TGS1: variants seen among roughly 807,000 people sequenced by gnomAD.
TGS1 encodes trimethylguanosine synthase 1.
TGS1 carries 69 observed loss-of-function variants against 92.2 expected under a neutral mutation model. That is an observed-to-expected ratio of 0.75 (90% confidence interval 0.62 to 0.91). The LOEUF (loss-of-function observed/expected upper bound fraction) is 0.91, where lower values mean the gene tolerates loss of function less well. Among genes scored for constraint, TGS1 ranks in the 40% least tolerant of loss-of-function variants. TGS1 has a pLI of 0.00. For missense variants in TGS1, 1,062 were observed against 1,001.2 expected (o/e 1.06, Z -0.82); for synonymous variants, 345 against 338.1 (o/e 1.02, Z -0.22).
At chr8:55,788,408 A>G (rs1251924148) in intron 4 of TGS1, among the ~76,000 whole-genome samples, 2 of 151,232 alleles carry the variant, frequency 1.3e-5, no homozygotes, top group African/African-American at 2.4e-5. Context: ...AGCCTACCTC[A>G]GTATAATATT....
intron 5 of TGS1, among the ~76,000 whole-genome samples, chr8:55,790,713 C>T (rs1203993928): frequency 6.6e-6 from 1 of 152,086 alleles, no homozygotes; most frequent in Non-Finnish European, 1.5e-5. Flanking sequence ...GAGACAGGGT[C>T]TCGCTATGTT....
chr8:55,777,835 A>T (rs1436616941), intron 1 of TGS1, among the ~76,000 whole-genome samples: 1 of 152,106 alleles, frequency 6.6e-6, no homozygotes, highest in African/African-American at 2.4e-5. Flanking sequence ...CATTATGTTG[A>T]TTACTATCGC....
intron 12 of TGS1, among the ~76,000 whole-genome samples, chr8:55,823,558 AAAG>A (rs1329397167): frequency 2.0e-5 from 3 of 152,324 alleles, no homozygotes; most frequent in African/African-American, 7.2e-5. Flanking sequence ...AGGTGGGAGA[AAAG>A]AAAGGAGACC....
chr8:55,806,623 A>G (rs1812380814), intron 10 of TGS1, among the ~76,000 whole-genome samples: 1 of 152,152 alleles, frequency 6.6e-6, no homozygotes, highest in Non-Finnish European at 1.5e-5. Context: ...TTGACTTCAC[A>G]AGAGATCAGG....
At chr8:55,777,902 ATTTTTT>A (rs56285134) in intron 1 of TGS1, among the ~76,000 whole-genome samples, 2 of 150,466 alleles carry the variant, frequency 1.3e-5, no homozygotes, top group Non-Finnish European at 3.0e-5. Context: ...AATAATTTAA[ATTTTTT>A]TTTTTTTTAA....
At chr8:55,799,999 C>T (rs1486449939) in intron 8 of TGS1, among the ~76,000 whole-genome samples, 2 of 152,132 alleles carry the variant, frequency 1.3e-5, no homozygotes, top group Non-Finnish European at 2.9e-5. Flanking sequence ...AACTGAGTAA[C>T]ATTTTCAATT....
Position 55,825,047 on chromosome 8 carries a change from C to T in TGS1, c.*344C>T, listed in dbSNP as rs1803753658. ...AGCAATCCTTCTGTCTCAGTCTCCT[C>T]AGTAGCTGGGGCTTTAGGTGGGCAC... is the stretch of plus-strand genomic sequence containing the variant. On this transcript the variant is annotated 3_prime_UTR_variant, in exon 13 of 13. Transcript: ENST00000260129. 5.5e-6 allele frequency: 1 copy of T among 183,050 alleles called. No individual in the cohort carries two copies. The highest frequency in any genetic ancestry group is 5.9e-5 in the Admixed American group (1 of 16,960). The allele number at this position is 183,050 out of a possible 1,614,324, so 11.3% of individuals were successfully genotyped here. A position where few individuals can be genotyped will look rare whatever the true frequency, so the allele number is the denominator to read the frequency against.
rs1362847623 is a variant in TGS1 at position 55,824,937 on chromosome 8, T to C, written c.*234T>C. 4.9e-6 allele frequency: 2 copies of C among 406,768 alleles called. No individual in the cohort carries two copies. Among genetic ancestry groups the C allele is most frequent in the Non-Finnish European group, 8.6e-6 (2 of 232,592 alleles). The allele number at this position is 406,768 out of a possible 1,614,324, so 25.2% of individuals were successfully genotyped here. On this transcript the variant is annotated 3_prime_UTR_variant, in exon 13 of 13. Coordinates refer to ENST00000260129, the MANE Select transcript of TGS1 (RefSeq NM_024831.8). ...TGAGTCCTTTGTAATTTATTTTTTT[T>C]TGAGACAGGATCTCACTTTTACCGC...
At chr8:55,821,376 T>C (rs1803629053) in intron 12 of TGS1, among the ~76,000 whole-genome samples, 1 of 152,192 alleles carries the variant, frequency 6.6e-6, no homozygotes, top group African/African-American at 2.4e-5. Context: ...ATAATAGTTA[T>C]TGAGTAAAGT....
chr8:55,773,501 TC>T lies in TGS1; in HGVS notation c.-117del, dbSNP rs1195985269. 1.4e-6 allele frequency: 1 copy of T among 706,300 alleles called. No individual in the cohort carries two copies. Among genetic ancestry groups the T allele is most frequent in the African/African-American group, 1.8e-5 (1 of 54,158 alleles). The allele number at this position is 706,300 out of a possible 1,614,324, so 43.8% of individuals were successfully genotyped here. On this transcript the variant is annotated 5_prime_UTR_variant, in exon 1 of 13. Transcript: ENST00000260129. ...CGGCGCGAGCGGCCGCGGGCCAGTT[TC>T]TATCTCCTCATCCAGGGCTTGCGGG...
intron 7 of TGS1, among the ~76,000 whole-genome samples, chr8:55,798,464 G>T (rs1048907482): frequency 1.3e-5 from 2 of 152,138 alleles, no homozygotes; most frequent in Non-Finnish European, 2.9e-5. Flanking sequence ...TCTTTTTAGG[G>T]TTCGTCTTTG....
rs774055338 is a variant in TGS1, at chr8:55,813,130, C to T, written c.2439+12C>T. The T allele has an allele frequency of 1.9e-6, 3 of 1,581,176 alleles. No individual in the cohort carries two copies. Among genetic ancestry groups the T allele is most frequent in the Non-Finnish European group, 1.7e-6 (2 of 1,151,976 alleles). On this transcript the variant is annotated intron_variant, in intron 12 of 12. Transcript: ENST00000260129. ...CTGATATTGACCAGGTAAGCCATTACTGAAAAACTTCCATGAGTGTCTGTC... is the reference window on the plus strand; with the variant it reads ...CTGATATTGACCAGGTAAGCCATTATTGAAAAACTTCCATGAGTGTCTGTC...
At chr8:55,792,323 CTTGT>C (rs775645923) in intron 5 of TGS1, among the ~76,000 whole-genome samples, 8 of 151,480 alleles carry the variant, frequency 5.3e-5, no homozygotes, top group Non-Finnish European at 1.0e-4. Flanking sequence ...CAAACGTTTC[CTTGT>C]TTGTTTTTAA....
At chr8:55,793,840 A>C (rs1811962822) in intron 6 of TGS1, among the ~76,000 whole-genome samples, 1 of 151,386 alleles carries the variant, frequency 6.6e-6, no homozygotes, top group Non-Finnish European at 1.5e-5. Context: ...CTGGTCTCAA[A>C]CTCCTGACCT....
chr8:55,821,297 G>C (rs562317032), intron 12 of TGS1, among the ~76,000 whole-genome samples: 1 of 152,300 alleles, frequency 6.6e-6, no homozygotes, highest in South Asian at 2.1e-4. Flanking sequence ...TAAAATTCAT[G>C]GAGGTGGGGA....
At chr8:55,796,701 G>A (rs765802407) in intron 7 of TGS1, among the ~76,000 whole-genome samples, 3 of 149,428 alleles carry the variant, frequency 2.0e-5, no homozygotes, top group Admixed American at 6.7e-5. Context: ...AAAAAAACAC[G>A]CAACCTTGGC....
rs542500153 is a variant in TGS1 at position 55,773,497 on chromosome 8, A to G, written c.-122A>G. The stretch of plus-strand genomic sequence containing the variant: ...TTCCCGGCGCGAGCGGCCGCGGGCC[A>G]GTTTCTATCTCCTCATCCAGGGCTT... On this transcript the variant is annotated 5_prime_UTR_variant, in exon 1 of 13. Coordinates refer to ENST00000260129, the MANE Select transcript of TGS1 (RefSeq NM_024831.8). The G allele has an allele frequency of 2.6e-5, 17 of 666,560 alleles. No individual in the cohort carries two copies. Among genetic ancestry groups the G allele is most frequent in the African/African-American group, 1.3e-4 (7 of 53,154 alleles). The allele number at this position is 666,560 out of a possible 1,614,324, so 41.3% of individuals were successfully genotyped here.
At chr8:55,791,423 A>G (rs552929137) in intron 5 of TGS1, among the ~76,000 whole-genome samples, 179 of 152,336 alleles carry the variant, frequency 1.2e-3, no homozygotes, top group Non-Finnish European at 8.8e-4. Context: ...GCAGAGGCCT[A>G]ACCATAACTC....
chr8:55,801,745 C>T (rs1039677964), intron 8 of TGS1, among the ~76,000 whole-genome samples: 16 of 151,576 alleles, frequency 1.1e-4, no homozygotes, highest in Non-Finnish European at 1.5e-4. Context: ...CCTACCACCA[C>T]GCCTAGCTGA....
Sources: gnomAD v4.1 joint callset for allele counts (sites outside exome capture counted in the v4.1 genomes callset) on GRCh38, gnomAD v4.1.1 for gene constraint, MANE v1.5 for transcripts, NCBI Gene and HGNC (gene_info 2026-07-23, HGNC 2026-07-21) for gene names.